DLL3: variants seen among roughly 807,000 people sequenced by gnomAD.
DLL3 encodes the protein delta-like protein 3.
In DLL3, 49 loss-of-function variants were observed where a neutral mutation model predicts 55.0. That is an observed-to-expected ratio of 0.89 (90% CI 0.71 to 1.13). The LOEUF (loss-of-function observed/expected upper bound fraction) is 1.13. Among genes scored for constraint, DLL3 ranks in the 50% most tolerant of loss-of-function variants. The pLI, the probability that DLL3 is intolerant of heterozygous loss-of-function variation, is 0.00. For synonymous variants in DLL3, 421 were observed against 385.2 expected (o/e 1.09, Z -1.09); for missense variants, 962 against 875.5 (o/e 1.10, Z -1.25).
chr19:39,501,913 C>T (rs938240723), intron 3 of DLL3, among the ~76,000 whole-genome samples: 6 of 152,124 alleles, frequency 3.9e-5, no homozygotes, highest in Non-Finnish European at 4.4e-5. Flanking sequence ...AGGCCCGGCG[C>T]GGTGGCTCAC....
In DLL3 at chr19:39,502,935, G is replaced by A. The variant is rs1336219609; in HGVS notation, c.530G>A (p.Arg177His). The A allele has an allele frequency of 4.9e-6, 7 of 1,439,446 alleles. No individual in the cohort carries two copies. The South Asian group carries it at 9.7e-5, about 20-fold the overall frequency. 89.2% of individuals were successfully genotyped at this position (1,439,446 alleles called of 1,614,324 possible). A position where few individuals can be genotyped will look rare whatever the true frequency, so the allele number is the denominator to read the frequency against. The change falls in exon 4 of 9, where the codon CGC becomes CAC. Residue 177 changes from arginine (R) to histidine (H), a missense_variant. By Grantham distance (29) the Arg-to-His change is conservative. Coordinates refer to ENST00000356433, the MANE Select transcript of DLL3 (RefSeq NM_203486.3). ...AWELRFSYRA[R>H]CEPPAVGTAC... is the part of the protein sequence containing the mutation. ...GAGCTGCGCTTCTCGTACCGCGCGC[G>A]CTGCGAGCCGCCTGCCGTCGGGACC...
Position 39,504,075 on chromosome 19 carries a change from G to A in DLL3, c.657G>A (p.Val219=). The A allele has an allele frequency of 6.2e-7, 1 of 1,613,246 alleles. No homozygotes were observed. Among genetic ancestry groups the A allele is most frequent in the Non-Finnish European group, 8.5e-7 (1 of 1,180,010 alleles). The change falls in exon 5 of 9, where the codon GTG becomes GTA. Residue 219 remains valine, a synonymous_variant. Coordinates refer to ENST00000356433, the MANE Select transcript of DLL3 (RefSeq NM_203486.3). Reference sequence around the variant, plus strand: ...CTGCCTCTCTGTCCCCCATAGTGGTGTGCCGAGCAGGCTGCAGCCCTGAGC... The same window carrying A: ...CTGCCTCTCTGTCCCCCATAGTGGTATGCCGAGCAGGCTGCAGCCCTGAGC... ...PLEDECEAPL[V]CRAGCSPEHG...
chr19:39,499,036 T>A lies in DLL3; in HGVS notation c.62T>A (p.Leu21His). The A allele has an allele frequency of 6.2e-7, 1 of 1,613,730 alleles. No individual in the cohort carries two copies. The highest frequency in any genetic ancestry group is 8.5e-7 in the Non-Finnish European group (1 of 1,179,934). Residue 21 changes from leucine to histidine, a missense_variant, in exon 1 of 9, where the codon CTC becomes CAC. Physicochemically the swap from Leu to His is moderately conservative, Grantham distance 99 (BLOSUM62 -3). Coordinates refer to ENST00000356433, the MANE Select transcript of DLL3 (RefSeq NM_203486.3). ...SQTVILALIF[L>H]PQTRPAGVFE... The stretch of plus-strand genomic sequence containing the variant: ...ACTGTGATCCTAGCGCTCATTTTCC[T>A]CCCCCAGGTCAGAGCCAGGTGGGAG...
chr19:39,499,408 G>T lies in DLL3; in HGVS notation c.286G>T (p.Ala96Ser). ...RGPVYTEQPGAPAPDLPLPDG... is the reference protein window; with the variant it reads ...RGPVYTEQPGSPAPDLPLPDG... ...ACCGGTCTACACCGAGCAGCCCGGAGCGCCCGCGCCTGATCTCCCACTGCC... is the reference window on the plus strand; with the variant it reads ...ACCGGTCTACACCGAGCAGCCCGGATCGCCCGCGCCTGATCTCCCACTGCC... The change falls in exon 2 of 9, where the codon GCG (alanine) becomes TCG (serine). Residue 96 changes from alanine (A) to serine (S), a missense_variant. Physicochemically the swap from Ala to Ser is moderately conservative, Grantham distance 99. Coordinates refer to ENST00000356433, the MANE Select transcript of DLL3 (RefSeq NM_203486.3). 6.3e-7 allele frequency: 1 copy of T among 1,585,106 alleles called. No homozygotes were observed. Among genetic ancestry groups the T allele is most frequent in the East Asian group, 2.3e-5 (1 of 44,026 alleles).
At position 39,498,992 on chromosome 19, in the gene DLL3, G is replaced by T. The variant is rs1230348359; in HGVS notation, c.18G>T (p.Met6Ile). The change falls in exon 1 of 9, where the codon ATG becomes ATT. Residue 6 changes from methionine (M) to isoleucine (I), a missense_variant. Coordinates refer to ENST00000356433, the MANE Select transcript of DLL3 (RefSeq NM_203486.3). MVSPR[M>I]SGLLSQTVIL... Reference sequence around the variant, plus strand: ...AGAAGGCCATGGTCTCCCCACGGATGTCCGGGCTCCTCTCCCAGACTGTGA... The same window carrying T: ...AGAAGGCCATGGTCTCCCCACGGATTTCCGGGCTCCTCTCCCAGACTGTGA... 10 of 1,613,940 alleles carry T rather than the reference G, an allele frequency of 6.2e-6. No individual in the cohort carries two copies. Among genetic ancestry groups the T allele is most frequent in the Non-Finnish European group, 8.5e-6 (10 of 1,180,018 alleles).
intron 5 of DLL3, 63 bp from the exon 6 acceptor site, chr19:39,505,166 A>G: frequency 6.5e-7 from 1 of 1,540,470 alleles, no homozygotes; most frequent in Non-Finnish European, 9.0e-7. Flanking sequence ...GTTAGGACTG[A>G]GGAGGGGGAT....
At chr19:39,508,182 G>A (rs1181565147) in intron 8 of DLL3, 70 bp from the exon 9 acceptor site, 4 of 1,613,988 alleles carry the variant, frequency 2.5e-6, no homozygotes, top group Admixed American at 3.3e-5. Context: ...TCCACTGATT[G>A]TACTCAGCGG....
Position 39,498,982 on chromosome 19 carries a change from C to A in DLL3, c.8C>A (p.Ser3Tyr). The change falls in exon 1 of 9, where the codon TCC becomes TAC. Residue 3 changes from serine to tyrosine, a missense_variant. Coordinates refer to ENST00000356433, the MANE Select transcript of DLL3 (RefSeq NM_203486.3). ...CCCCCCCACCAGAAGGCCATGGTCT[C>A]CCCACGGATGTCCGGGCTCCTCTCC... MV[S>Y]PRMSGLLSQT... The A allele has an allele frequency of 6.2e-7, 1 of 1,613,996 alleles. No homozygotes were observed. Among genetic ancestry groups the A allele is most frequent in the Non-Finnish European group, 8.5e-7 (1 of 1,180,016 alleles).
chr19:39,501,297 G>T (rs528605998), intron 3 of DLL3, among the ~76,000 whole-genome samples: 1 of 152,012 alleles, frequency 6.6e-6, no homozygotes, highest in Non-Finnish European at 1.5e-5. Context: ...CACCACGCTC[G>T]GCCCCTATGT....
At chr19:39,504,475 C>G (rs2079629417) in intron 5 of DLL3, among the ~76,000 whole-genome samples, 187 bp downstream of exon 5, 1 of 152,078 alleles carries the variant, frequency 6.6e-6, no homozygotes, top group African/African-American at 2.4e-5. Context: ...GGGGATGGGA[C>G]TGGGGAGAGC....
chr19:39,502,419 C>T (rs1281167753), intron 3 of DLL3, among the ~76,000 whole-genome samples: 1 of 151,826 alleles, frequency 6.6e-6, no homozygotes, highest in African/African-American at 2.4e-5. Context: ...CGTGCCACCA[C>T]GCCTGGCTAA....
rs1305269698 is a variant in DLL3, at chr19:39,498,995, C to G, written c.21C>G (p.Ser7=). MVSPRM[S]GLLSQTVILA... is the part of the protein sequence containing the mutation. Reference sequence around the variant, plus strand: ...AGGCCATGGTCTCCCCACGGATGTCCGGGCTCCTCTCCCAGACTGTGATCC... The same window carrying G: ...AGGCCATGGTCTCCCCACGGATGTCGGGGCTCCTCTCCCAGACTGTGATCC... Residue 7 remains serine (S), a synonymous_variant, in exon 1 of 9, where the codon TCC becomes TCG. Coordinates refer to ENST00000356433, the MANE Select transcript of DLL3 (RefSeq NM_203486.3). 2.5e-6 allele frequency: 4 copies of G among 1,614,020 alleles called. No homozygotes were observed. In the East Asian group the frequency reaches 6.7e-5, roughly 27 times the overall value.
At chr19:39,500,417 T>G (rs1271985215) in intron 2 of DLL3, among the ~76,000 whole-genome samples, 198 bp from the exon 3 acceptor site, 2 of 127,208 alleles carry the variant, frequency 1.6e-5, no homozygotes, top group East Asian at 2.4e-4. Flanking sequence ...CAAAGTGAGA[T>G]TCTCCCCCCC....
Position 39,499,382 on chromosome 19 carries a change from G to T in DLL3, c.260G>T (p.Gly87Val). 1.3e-6 allele frequency: 2 copies of T among 1,570,022 alleles called. No individual in the cohort carries two copies. The highest frequency in any genetic ancestry group is 1.8e-5 in the Admixed American group (1 of 56,166). ...CALGAALSAR[G>V]PVYTEQPGAP... ...CTGGGCGCGGCGCTGAGTGCGCGCG[G>T]ACCGGTCTACACCGAGCAGCCCGGA... Residue 87 changes from glycine (G) to valine (V), a missense_variant, in exon 2 of 9, where the codon GGA becomes GTA. By Grantham distance (109) the Gly-to-Val change is moderately radical (BLOSUM62 -3). Transcript: ENST00000356433.
chr19:39,508,106 T>G, intron 8 of DLL3, 146 bp from the exon 9 acceptor site: 3 of 1,610,872 alleles, frequency 1.9e-6, no homozygotes, highest in Non-Finnish European at 2.5e-6. Flanking sequence ...TTGAGCTACC[T>G]GCCATCTTCT....
Position 39,500,897 on chromosome 19 carries a change from C to CA in DLL3, c.409+227dup, listed in dbSNP as rs145058657. Among the ~76,000 whole-genome samples, 42,753 of 151,860 alleles carry CA rather than the reference C, an allele frequency of 0.28. 6,454 individuals carry two copies. The highest frequency in any genetic ancestry group is 0.41 in the Middle Eastern group (121 of 294). ...GAAGTAGGGGAAGCTCTCTTACTATCAAGGCTCCAGAGCAGAGTGTAGCAT... is the reference window on the plus strand; with the variant it reads ...GAAGTAGGGGAAGCTCTCTTACTATCAAAGGCTCCAGAGCAGAGTGTAGCAT... On this transcript the variant is annotated intron_variant, in intron 3 of 8. Transcript: ENST00000356433.
chr19:39,504,814 C>T (rs1181545887), intron 5 of DLL3, among the ~76,000 whole-genome samples: 1 of 151,902 alleles, frequency 6.6e-6, no homozygotes, highest in Non-Finnish European at 1.5e-5. Flanking sequence ...GTGTGGGCCA[C>T]CTGGATACTG....
Position 39,503,001 on chromosome 19 carries a change from G to GGTGCGGTCCGGGACTGCGCCC in DLL3, c.597_617dup (p.Gly201_Cys207dup), listed in dbSNP as rs1467426182. The GGTGCGGTCCGGGACTGCGCCC allele has an allele frequency of 3.4e-6, 5 of 1,484,146 alleles. No homozygotes were observed. The highest frequency in any genetic ancestry group is 4.6e-5 in the Admixed American group (2 of 43,782). 91.9% of individuals were successfully genotyped at this position (1,484,146 alleles called of 1,614,324 possible). A position where few individuals can be genotyped will look rare whatever the true frequency, so the allele number is the denominator to read the frequency against. ...TGCCGTCCGCGCAGCGCCCCCTCGC[G>GGTGCGGTCCGGGACTGCGCCC]GTGCGGTCCGGGACTGCGCCCCTGC... On this transcript the variant is annotated inframe_insertion, in exon 4 of 9. Transcript: ENST00000356433.
At chr19:39,499,590 G>C (rs942755406) in intron 2 of DLL3, 117 bp downstream of exon 2, 14 of 1,331,106 alleles carry the variant, frequency 1.1e-5, no homozygotes, top group Non-Finnish European at 1.4e-5. Flanking sequence ...GGGGGTGGAC[G>C]AAATTCCCAG....
Sources: allele counts gnomAD v4.1 joint callset (sites outside exome capture counted in the v4.1 genomes callset), GRCh38; gene constraint gnomAD v4.1.1; transcripts MANE v1.5; gene names NCBI Gene and HGNC (gene_info 2026-07-23, HGNC 2026-07-21).